Variants in UNC79 observed in about 807,000 individuals in gnomAD.
UNC79 encodes protein unc-79 homolog.
A neutral mutation model predicts 283.1 loss-of-function variants in UNC79; 37 were observed. The observed-to-expected ratio is 0.13, with a 90% CI of 0.10 to 0.17. UNC79 has a LOEUF of 0.17. UNC79 is among the 10% of genes least tolerant of loss of function. UNC79 has a pLI of 1.00. For missense variants in UNC79, 2,272 were observed against 3,211.1 expected, an observed-to-expected ratio of 0.71 and a Z score of 7.07; for synonymous variants, 1,107 against 1,200.2, an observed-to-expected ratio of 0.92 and a Z score of 1.61.
At chr14:93,603,495 A>G in intron 26 of UNC79, 77 bp downstream of exon 26, 2 of 1,509,892 alleles carry the variant, frequency 1.3e-6, no homozygotes, top group Non-Finnish European at 1.8e-6. Context: ...TTGAATGTTC[A>G]CAGAGAGTAT....
At position 93,540,715 on chromosome 14, in the gene UNC79, CG is replaced by C; in HGVS notation, c.1410del (p.Arg471GlyfsTer38). 6.2e-7 allele frequency: 1 copy of C among 1,613,772 alleles called. No individual in the cohort carries two copies. The highest frequency in any genetic ancestry group is 8.5e-7 in the Non-Finnish European group (1 of 1,180,006). On this transcript the variant is annotated frameshift_variant, in exon 13 of 49. Transcript: ENST00000555664. LOFTEE classifies it high-confidence loss of function. Reference sequence around the variant, plus strand: ...GCAGCGAGAACATGAGCTGAACCGGCGGCGGCAGCTGGGCCTCTCCTCTTCC... The same window carrying C: ...GCAGCGAGAACATGAGCTGAACCGGCGCGGCAGCTGGGCCTCTCCTCTTCC...
chr14:93,427,328 T>C (rs934002629), upstream of UNC79, among the ~76,000 whole-genome samples: 5 of 152,214 alleles, frequency 3.3e-5, no homozygotes, highest in Admixed American at 2.0e-4. Flanking sequence ...TCCTCACACA[T>C]AGTGTTTAAT....
At chr14:93,707,085 C>G (rs1303325284), downstream of UNC79, 1 of 633,244 alleles carries the variant, frequency 1.6e-6, no homozygotes, top group Admixed American at 3.0e-5. Context: ...ACACATATTT[C>G]TGATGACTCC....
At chr14:93,367,475 A>G (rs1213767957) in intron 1 of UNC79, among the ~76,000 whole-genome samples, 1 of 152,226 alleles carries the variant, frequency 6.6e-6, no homozygotes, top group South Asian at 2.1e-4. Flanking sequence ...AAAAGAAAAA[A>G]AAGGGTATTC....
At chr14:93,644,029 A>G (rs1173199589) in intron 34 of UNC79, among the ~76,000 whole-genome samples, 2 of 152,212 alleles carry the variant, frequency 1.3e-5, no homozygotes, top group African/African-American at 4.8e-5. Flanking sequence ...CTTCGTAAGT[A>G]TTACCTGTTA....
At chr14:93,445,022 G>A (rs940983277) in intron 1 of UNC79, among the ~76,000 whole-genome samples, 2 of 152,066 alleles carry the variant, frequency 1.3e-5, no homozygotes, top group Non-Finnish European at 2.9e-5. Context: ...TTTGGTAGTT[G>A]TCACATCTTT....
chr14:93,420,360 G>A (rs2055569650), intron 1 of UNC79, among the ~76,000 whole-genome samples: 2 of 151,570 alleles, frequency 1.3e-5, no homozygotes, highest in African/African-American at 2.4e-5. Flanking sequence ...AACTATAAGA[G>A]ACAAAGAAGG....
intron 1 of UNC79, among the ~76,000 whole-genome samples, chr14:93,372,473 G>C (rs960604611): frequency 6.6e-6 from 1 of 152,198 alleles, no homozygotes; most frequent in African/African-American, 2.4e-5. Context: ...AAAGTAAATG[G>C]AGAAAGATAT....
rs115082070 is a variant in UNC79 at position 93,518,582 on chromosome 14, C to T, written c.899-5396C>T. Reference sequence around the variant, plus strand: ...TTTCTGTTTCTTTATTGTTTTCTTCCACCTACTGAGTTCTGTTCTTTTTCT... The same window carrying T: ...TTTCTGTTTCTTTATTGTTTTCTTCTACCTACTGAGTTCTGTTCTTTTTCT... On this transcript the variant is annotated intron_variant, in intron 7 of 48. Transcript: ENST00000555664. 3.8e-3 allele frequency among the ~76,000 whole-genome samples: 579 copies of T among 151,754 alleles called. 5 individuals carry two copies. The highest frequency in any genetic ancestry group is 0.013 in the African/African-American group (546 of 41,470).
intron 35 of UNC79, among the ~76,000 whole-genome samples, chr14:93,650,790 A>G (rs910417533): frequency 6.6e-6 from 1 of 152,166 alleles, no homozygotes; most frequent in Non-Finnish European, 1.5e-5. Context: ...ATTTAGGTGA[A>G]TTCTAATGCA....
intron 26 of UNC79, among the ~76,000 whole-genome samples, chr14:93,606,384 T>C (rs2065890996): frequency 6.6e-6 from 1 of 152,232 alleles, no homozygotes; most frequent in African/African-American, 2.4e-5. Context: ...CTTGCTTAGA[T>C]ATGGAAATAG....
rs745443735 is a variant in UNC79, at chr14:93,653,985, A to G, written c.6242A>G (p.Asn2081Ser). The stretch of plus-strand genomic sequence containing the variant: ...TTAGCCTCGTCTCTGATGGACTTCA[A>G]TGAGCTGAGCTCCATCGCAGCTCTC... The change falls in exon 37 of 49, where the codon AAT (asparagine) becomes AGT (serine). Residue 2081 changes from asparagine to serine, a missense_variant. Physicochemically the swap from Asn to Ser is conservative, Grantham distance 46. This residue lies in a region of UNC79 where 287 missense variants were observed against 446.4 expected (regional missense o/e 0.64). Coordinates refer to ENST00000555664, the Ensembl canonical transcript of UNC79. The G allele has an allele frequency of 1.7e-5, 28 of 1,614,054 alleles. No homozygotes were observed. The South Asian group carries it at 2.3e-4, about 13-fold the overall frequency.
intron 40 of UNC79, among the ~76,000 whole-genome samples, chr14:93,672,839 A>G (rs1438462199): frequency 6.6e-6 from 1 of 152,184 alleles, no homozygotes; most frequent in African/African-American, 2.4e-5. Flanking sequence ...GGATTCCAAA[A>G]AAGGATGAAT....
At chr14:93,653,081 T>G (rs2070470431) in intron 35 of UNC79, among the ~76,000 whole-genome samples, 1 of 152,098 alleles carries the variant, frequency 6.6e-6, no homozygotes, top group Non-Finnish European at 1.5e-5. Context: ...CGTTCTTTGA[T>G]TTTCTCTTTT....
At chr14:93,443,603 T>G (rs1391378005) in intron 1 of UNC79, among the ~76,000 whole-genome samples, 3 of 152,110 alleles carry the variant, frequency 2.0e-5, no homozygotes, top group African/African-American at 7.2e-5. Flanking sequence ...TTTTGTATTT[T>G]TAGTAGAGAC....
intron 30 of UNC79, among the ~76,000 whole-genome samples, chr14:93,625,458 C>T (rs543423679): frequency 6.6e-6 from 1 of 152,050 alleles, no homozygotes; most frequent in African/African-American, 2.4e-5. Context: ...GTAGATGACA[C>T]TCCTGACACT....
At chr14:93,657,465 C>T (rs1360807944) in intron 38 of UNC79, among the ~76,000 whole-genome samples, 3 of 151,880 alleles carry the variant, frequency 2.0e-5, no homozygotes, top group Non-Finnish European at 2.9e-5. Flanking sequence ...CATTCTCCTG[C>T]CTCAGCTTCC....
chr14:93,572,226 C>A, intron 15 of UNC79, 142 bp downstream of exon 15: 1 of 883,000 alleles, frequency 1.1e-6, no homozygotes, highest in Non-Finnish European at 1.6e-6. Flanking sequence ...AACTTGAAGC[C>A]CCAACATGAA....
intron 1 of UNC79, among the ~76,000 whole-genome samples, chr14:93,359,946 C>T (rs1179903267): frequency 1.3e-5 from 2 of 152,138 alleles, no homozygotes; most frequent in Admixed American, 6.5e-5. Flanking sequence ...AATGATCAGA[C>T]ATTTTGGGGA....
Sources: allele counts gnomAD v4.1 joint callset (sites outside exome capture counted in the v4.1 genomes callset), GRCh38; gene constraint gnomAD v4.1.1; regional missense constraint gnomAD v4.1.1; transcripts MANE v1.5; gene names NCBI Gene and HGNC (gene_info 2026-07-23, HGNC 2026-07-21).